CALN1: variants seen among roughly 807,000 people sequenced by gnomAD.
CALN1 encodes the protein calcium-binding protein 8.
Under a neutral mutation model 30.6 loss-of-function variants are expected in CALN1, and 17 were observed. The ratio of observed to expected loss-of-function variants is 0.56; its 90% CI spans 0.38 to 0.83. The LOEUF (loss-of-function observed/expected upper bound fraction) is 0.83, where lower values mean the gene tolerates loss of function less well. CALN1 is among the 40% of genes least tolerant of loss of function. The pLI, the probability that CALN1 is intolerant of heterozygous loss-of-function variation, is 0.00. For synonymous variants in CALN1, 156 were observed against 131.4 expected, an observed-to-expected ratio of 1.19 and a Z score of -1.28; for missense variants, 291 against 354.9, an observed-to-expected ratio of 0.82 and a Z score of 1.45.
intron 5 of CALN1, among the ~76,000 whole-genome samples, chr7:71,969,791 G>A (rs1483067360): frequency 6.6e-6 from 1 of 151,768 alleles, no homozygotes; most frequent in Non-Finnish European, 1.5e-5. Flanking sequence ...CATTGAATTA[G>A]GTGTGGGGCC....
intron 3 of CALN1, among the ~76,000 whole-genome samples, chr7:72,270,795 G>C (rs1311169371): frequency 6.6e-6 from 1 of 152,100 alleles, no homozygotes; most frequent in Non-Finnish European, 1.5e-5. Context: ...AAAAAAAGAA[G>C]TTATAAGCCA....
At chr7:72,172,113 C>T (rs73701699) in intron 3 of CALN1, among the ~76,000 whole-genome samples, 1 of 152,164 alleles carries the variant, frequency 6.6e-6, no homozygotes, top group African/African-American at 2.4e-5. Context: ...GGGAACAGAC[C>T]CATGGGGTCC....
At chr7:72,249,379 A>T (rs940061787) in intron 3 of CALN1, among the ~76,000 whole-genome samples, 1 of 152,228 alleles carries the variant, frequency 6.6e-6, no homozygotes, top group Non-Finnish European at 1.5e-5. Context: ...GTGTGAGGTC[A>T]AGAAGTCAGG....
At chr7:72,234,078 A>G (rs1039106856) in intron 3 of CALN1, among the ~76,000 whole-genome samples, 39 of 152,212 alleles carry the variant, frequency 2.6e-4, no homozygotes, top group Admixed American at 2.6e-3. Context: ...GAAACATAAC[A>G]ATAGAAAGAC....
At chr7:72,420,907 C>G (rs550030293) in intron 1 of CALN1, among the ~76,000 whole-genome samples, 1 of 152,108 alleles carries the variant, frequency 6.6e-6, no homozygotes, top group Non-Finnish European at 1.5e-5. Context: ...AGCCACCACG[C>G]CTGGCCGGGA....
intron 3 of CALN1, among the ~76,000 whole-genome samples, chr7:72,220,537 T>C (rs867304618): frequency 0.016 from 2,426 of 152,224 alleles, 34 homozygotes; most frequent in African/African-American, 0.032. Flanking sequence ...GCATGATTTA[T>C]AATCCTTTGG....
intron 2 of CALN1, among the ~76,000 whole-genome samples, chr7:72,300,863 C>T (rs577310733): frequency 5.3e-5 from 8 of 151,914 alleles, no homozygotes; most frequent in Non-Finnish European, 8.8e-5. Flanking sequence ...CATGGTGGCA[C>T]GTGCCTGTAA....
chr7:71,940,444 A>G (rs1242570082), intron 5 of CALN1, among the ~76,000 whole-genome samples: 1 of 152,172 alleles, frequency 6.6e-6, no homozygotes, highest in Non-Finnish European at 1.5e-5. Context: ...AAATTTCCTG[A>G]GAGTAAAATG....
chr7:71,917,894 G>T (rs1794760408), intron 5 of CALN1, among the ~76,000 whole-genome samples: 1 of 152,160 alleles, frequency 6.6e-6, no homozygotes, highest in African/African-American at 2.4e-5. Context: ...CATTGAATAT[G>T]CACAATTTTT....
At chr7:72,013,853 C>T (rs1800228810) in intron 5 of CALN1, among the ~76,000 whole-genome samples, 1 of 151,768 alleles carries the variant, frequency 6.6e-6, no homozygotes, top group Admixed American at 6.6e-5. Context: ...TTTATAATTG[C>T]ATTTTCCTAC....
intron 5 of CALN1, among the ~76,000 whole-genome samples, chr7:71,903,605 T>C (rs1178697031): frequency 6.6e-6 from 1 of 152,146 alleles, no homozygotes. Context: ...ATTTACTATA[T>C]GAAAACATAA....
chr7:71,827,397 G>A (rs1254723058), intron 5 of CALN1, among the ~76,000 whole-genome samples: 4 of 152,178 alleles, frequency 2.6e-5, no homozygotes, highest in Non-Finnish European at 5.9e-5. Flanking sequence ...CATGGAGGAA[G>A]CAAAGGCTAC....
chr7:72,386,345 C>T (rs550566040), intron 2 of CALN1, among the ~76,000 whole-genome samples: 11 of 152,114 alleles, frequency 7.2e-5, no homozygotes, highest in Non-Finnish European at 1.2e-4. Flanking sequence ...TGAAGGGGTT[C>T]GGAGAAAAGT....
intron 3 of CALN1, among the ~76,000 whole-genome samples, chr7:72,166,675 T>A (rs1382797450): frequency 6.6e-6 from 1 of 152,206 alleles, no homozygotes; most frequent in Non-Finnish European, 1.5e-5. Flanking sequence ...ACGGATTATG[T>A]AAATATACCA....
At chr7:72,368,452 T>C (rs1396808577) in intron 2 of CALN1, among the ~76,000 whole-genome samples, 1 of 152,060 alleles carries the variant, frequency 6.6e-6, no homozygotes, top group African/African-American at 2.4e-5. Flanking sequence ...CGACTTTGGC[T>C]TCTTTTTGTG....
At chr7:72,227,539 CAAAAAAAAAAGAAAAA>C (rs1173882722) in intron 3 of CALN1, among the ~76,000 whole-genome samples, 1 of 83,396 alleles carries the variant, frequency 1.2e-5, no homozygotes, top group Non-Finnish European at 2.5e-5. Flanking sequence ...GACTCCGTCT[CAAAAAAAAAAGAAAAA>C]AAAGAAAAAA....
At chr7:72,166,925 A>G (rs1788564842) in intron 3 of CALN1, among the ~76,000 whole-genome samples, 1 of 152,030 alleles carries the variant, frequency 6.6e-6, no homozygotes, top group South Asian at 2.1e-4. Flanking sequence ...ATGCACCTAT[A>G]GTCTCAGCTG....
chr7:72,362,570 A>G (rs1057071287), intron 2 of CALN1, among the ~76,000 whole-genome samples: 16 of 152,110 alleles, frequency 1.1e-4, no homozygotes, highest in Admixed American at 7.9e-4. Flanking sequence ...TTCACAGATA[A>G]TGATTCTCCA....
chr7:72,180,518 G>C (rs1789689184), intron 3 of CALN1, among the ~76,000 whole-genome samples: 1 of 149,010 alleles, frequency 6.7e-6, no homozygotes, highest in South Asian at 2.1e-4. Context: ...TCATACAGAA[G>C]GTGTCCTTTT....
Sources: allele counts gnomAD v4.1 joint callset (sites outside exome capture counted in the v4.1 genomes callset), GRCh38; gene constraint gnomAD v4.1.1; transcripts MANE v1.5; gene names NCBI Gene and HGNC (gene_info 2026-07-23, HGNC 2026-07-21).